Variants in FSTL5 observed in about 807,000 individuals in gnomAD.
The protein encoded by FSTL5 is follistatin-related protein 5.
Under a neutral mutation model 89.1 loss-of-function variants are expected in FSTL5, and 62 were observed. That is an observed-to-expected ratio of 0.70 (90% confidence interval 0.57 to 0.86). FSTL5 has a LOEUF of 0.86. FSTL5 is among the 40% of genes least tolerant of loss of function. The probability of loss-of-function intolerance (pLI) is 0.00; values close to 1 mark genes in which losing one functional copy is unlikely to be tolerated. For synonymous variants in FSTL5, 383 were observed against 346.2 expected, an observed-to-expected ratio of 1.11 and a Z score of -1.18; for missense variants, 1,057 against 1,001.6, an observed-to-expected ratio of 1.06 and a Z score of -0.75.
At chr4:161,576,863 G>C (rs1733226369) in intron 8 of FSTL5, among the ~76,000 whole-genome samples, 1 of 152,202 alleles carries the variant, frequency 6.6e-6, no homozygotes, top group African/African-American at 2.4e-5. Flanking sequence ...GTAATCTTTA[G>C]GTAGGCATCC....
At chr4:161,817,717 T>G (rs190908300) in intron 4 of FSTL5, among the ~76,000 whole-genome samples, 1 of 152,222 alleles carries the variant, frequency 6.6e-6, no homozygotes, top group East Asian at 1.9e-4. Flanking sequence ...CATGTACATG[T>G]GCGTGTGCCT....
At chr4:161,654,954 T>C (rs1736465365) in intron 7 of FSTL5, among the ~76,000 whole-genome samples, 1 of 152,160 alleles carries the variant, frequency 6.6e-6, no homozygotes, top group East Asian at 1.9e-4. Flanking sequence ...TCTGTTTTGG[T>C]TGCACTTTTG....
At chr4:161,678,140 T>C (rs1317827100) in intron 6 of FSTL5, among the ~76,000 whole-genome samples, 1 of 151,824 alleles carries the variant, frequency 6.6e-6, no homozygotes, top group Non-Finnish European at 1.5e-5. Context: ...ATGTATATTC[T>C]ATGATATATT....
intron 7 of FSTL5, among the ~76,000 whole-genome samples, chr4:161,632,052 G>A (rs1735521689): frequency 6.6e-6 from 1 of 152,080 alleles, no homozygotes; most frequent in South Asian, 2.1e-4. Flanking sequence ...TCAATTGAGT[G>A]ACTTTTCCAC....
chr4:161,415,787 T>G (rs1297317024), intron 15 of FSTL5, among the ~76,000 whole-genome samples: 2 of 140,826 alleles, frequency 1.4e-5, no homozygotes, highest in Non-Finnish European at 3.0e-5. Context: ...ATATATATGA[T>G]ATATATACAC....
At chr4:161,497,034 T>A (rs1042497578) in intron 12 of FSTL5, among the ~76,000 whole-genome samples, 2 of 152,174 alleles carry the variant, frequency 1.3e-5, no homozygotes, top group African/African-American at 4.8e-5. Flanking sequence ...TAGCACTAAA[T>A]AGCTTCCACA....
At chr4:162,119,178 GATC>G in intron 1 of FSTL5, among the ~76,000 whole-genome samples, 1 of 151,156 alleles carries the variant, frequency 6.6e-6, no homozygotes, top group Non-Finnish European at 1.5e-5. Flanking sequence ...AGTGAGCCAT[GATC>G]ATACCATTGC....
At chr4:161,939,322 T>C (rs549289711) in intron 3 of FSTL5, among the ~76,000 whole-genome samples, 1 of 152,118 alleles carries the variant, frequency 6.6e-6, no homozygotes, top group African/African-American at 2.4e-5. Context: ...AAAAGGCATA[T>C]TTTTGCTTAT....
At chr4:162,037,931 A>G (rs1737803057) in intron 2 of FSTL5, among the ~76,000 whole-genome samples, 1 of 151,990 alleles carries the variant, frequency 6.6e-6, no homozygotes, top group African/African-American at 2.4e-5. Flanking sequence ...TTTACAAACT[A>G]TAACTTCATG....
At chr4:161,491,142 T>C (rs1021554771) in intron 12 of FSTL5, among the ~76,000 whole-genome samples, 20 of 151,980 alleles carry the variant, frequency 1.3e-4, no homozygotes, top group African/African-American at 4.6e-4. Context: ...CCAGGCCACA[T>C]TATCCATTTT....
intron 10 of FSTL5, among the ~76,000 whole-genome samples, chr4:161,530,887 T>C (rs1006952427): frequency 1.3e-5 from 2 of 152,138 alleles, no homozygotes; most frequent in African/African-American, 4.8e-5. Flanking sequence ...TGACTTCCCT[T>C]GGGAATGAAA....
chr4:161,625,899 C>T (rs1274555532), intron 7 of FSTL5, among the ~76,000 whole-genome samples: 1 of 152,032 alleles, frequency 6.6e-6, no homozygotes, highest in East Asian at 1.9e-4. Flanking sequence ...TCAAACCACC[C>T]ACAACATTCC....
intron 1 of FSTL5, among the ~76,000 whole-genome samples, chr4:162,155,969 A>G (rs1733453401): frequency 6.6e-6 from 1 of 152,228 alleles, no homozygotes; most frequent in Admixed American, 6.5e-5. Flanking sequence ...GGCATTTTAA[A>G]GCATATTTTA....
intron 15 of FSTL5, among the ~76,000 whole-genome samples, chr4:161,395,277 G>C (rs1481399052): frequency 1.3e-5 from 2 of 151,802 alleles, no homozygotes; most frequent in Admixed American, 1.3e-4. Context: ...TGTTAAACTA[G>C]AATAATTTGA....
chr4:161,978,904 CTAAGTTT>C (rs1735739076), intron 3 of FSTL5, among the ~76,000 whole-genome samples: 1 of 152,068 alleles, frequency 6.6e-6, no homozygotes. Context: ...ACTGATTATT[CTAAGTTT>C]TATCACTTAG....
At chr4:161,647,773 C>G (rs1426475514) in intron 7 of FSTL5, among the ~76,000 whole-genome samples, 1 of 152,150 alleles carries the variant, frequency 6.6e-6, no homozygotes, top group Non-Finnish European at 1.5e-5. Context: ...TAGGGCTCCA[C>G]TCCTACAGAC....
chr4:161,754,032 A>G (rs6829112), intron 6 of FSTL5, among the ~76,000 whole-genome samples: 10,922 of 114,408 alleles, frequency 0.095, 852 homozygotes, highest in African/African-American at 0.24. Context: ...ACAGAGCAAG[A>G]CACCGTCTCA....
intron 2 of FSTL5, among the ~76,000 whole-genome samples, chr4:162,105,390 A>G (rs1731185087): frequency 6.6e-6 from 1 of 152,190 alleles, no homozygotes; most frequent in Non-Finnish European, 1.5e-5. Flanking sequence ...GGCCTCTTAA[A>G]TGACTAAGAA....
At chr4:161,843,010 T>C (rs957415385) in intron 4 of FSTL5, among the ~76,000 whole-genome samples, 25 of 152,228 alleles carry the variant, frequency 1.6e-4, no homozygotes, top group African/African-American at 6.0e-4. Context: ...TTAGTATTTC[T>C]TTCTAAAATT....
Sources: gnomAD v4.1 joint callset for allele counts (sites outside exome capture counted in the v4.1 genomes callset) on GRCh38, gnomAD v4.1.1 for gene constraint, MANE v1.5 for transcripts, NCBI Gene and HGNC (gene_info 2026-07-23, HGNC 2026-07-21) for gene names.